Variants in CHIA observed in about 807,000 individuals in gnomAD.
The protein encoded by CHIA is chitinase acidic, also known as acidic mammalian chitinase.
CHIA carries 47 observed loss-of-function variants against 53.5 expected under a neutral mutation model. The ratio of observed to expected loss-of-function variants is 0.88; its 90% CI spans 0.70 to 1.12. The LOEUF is 1.12. Ranked by LOEUF, CHIA falls within the 50% of genes most tolerant of loss-of-function variation. The pLI is 0.00. For missense variants in CHIA, 652 were observed against 592.2 expected (o/e 1.10, Z -1.05); for synonymous variants, 268 against 222.2 (o/e 1.21, Z -1.83).
At chr1:111,311,209 AC>A (rs571216306) in intron 2 of CHIA, among the ~76,000 whole-genome samples, 3 of 152,260 alleles carry the variant, frequency 2.0e-5, no homozygotes, top group African/African-American at 7.2e-5. Context: ...CTGGAGTCTC[AC>A]CCCATAGTTC....
chr1:111,310,452 G>C lies in CHIA; in HGVS notation c.-16G>C. ...AACATATAAAAAGCTCTGCGGGACTGGTGCTGACTGCAACCATGACAAAGC... is the reference window on the plus strand; with the variant it reads ...AACATATAAAAAGCTCTGCGGGACTCGTGCTGACTGCAACCATGACAAAGC... On this transcript the variant is annotated 5_prime_UTR_variant, in exon 2 of 12. Coordinates refer to ENST00000369740, the MANE Select transcript of CHIA (RefSeq NM_201653.4). 3.1e-6 allele frequency: 5 copies of C among 1,607,624 alleles called. No homozygotes were observed. The highest frequency in any genetic ancestry group is 4.2e-6 in the Non-Finnish European group (5 of 1,177,212).
intron 1 of CHIA, among the ~76,000 whole-genome samples, chr1:111,301,132 G>A (rs1156757030): frequency 6.6e-6 from 1 of 152,178 alleles, no homozygotes. Context: ...ACTGTTGGTG[G>A]AAGTGTAAAT....
At chr1:111,311,585 T>C (rs4839122) in intron 2 of CHIA, 104 bp from the exon 3 acceptor site, 916,661 of 1,298,878 alleles carry the variant, frequency 0.71, 326,086 homozygotes, top group East Asian at 0.84. Flanking sequence ...CTCACTGAGG[T>C]TGTAACAATT....
chr1:111,312,341 C>T lies in CHIA; in HGVS notation c.207C>T (p.Ile69=), dbSNP rs767144908. 142 of 1,614,090 alleles carry T rather than the reference C, an allele frequency of 8.8e-5. No homozygotes were observed. The highest frequency in any genetic ancestry group is 6.6e-4 in the Middle Eastern group (4 of 6,062). ...AGRQNNEITT[I]EWNDVTLYQA... ...GGCAGAACAACGAGATCACCACCAT[C>T]GAATGGAATGATGTGACTCTCTACC... The change falls in exon 4 of 12, where the codon ATC becomes ATT. Residue 69 remains isoleucine, a synonymous_variant. Coordinates refer to ENST00000369740, the MANE Select transcript of CHIA (RefSeq NM_201653.4).
At chr1:111,297,566 C>G (rs1451327067) in intron 1 of CHIA, among the ~76,000 whole-genome samples, 2 of 152,090 alleles carry the variant, frequency 1.3e-5, no homozygotes, top group Admixed American at 1.3e-4. Flanking sequence ...ACAAGAGCTC[C>G]TGAAGGAAGC....
rs896699936 is a variant in CHIA, at chr1:111,310,554, C to G, written c.25+62C>G. 3 of 1,612,042 alleles carry G rather than the reference C, an allele frequency of 1.9e-6. No individual in the cohort carries two copies. In the African/African-American group the frequency reaches 4.0e-5, roughly 22 times the overall value. The stretch of plus-strand genomic sequence containing the variant: ...CTAGTTTCTTTTTCTCTCACAGGCT[C>G]TGAAAATCATGAAGTGGTCTTCATA... On this transcript the variant is annotated intron_variant, in intron 2 of 11. Coordinates refer to ENST00000369740, the MANE Select transcript of CHIA (RefSeq NM_201653.4).
rs778109245 is a variant in CHIA at position 111,315,402 on chromosome 1, T to C, written c.447T>C (p.Pro149=). The C allele has an allele frequency of 6.2e-7, 1 of 1,614,118 alleles. No individual in the cohort carries two copies. The highest frequency in any genetic ancestry group is 1.7e-5 in the Admixed American group (1 of 60,032). ...ACCCTGGCTCTCGTGGGAGCCCTCCTCAGGACAAGCATCTCTTCACTGTCC... is the reference window on the plus strand; with the variant it reads ...ACCCTGGCTCTCGTGGGAGCCCTCCCCAGGACAAGCATCTCTTCACTGTCC... ...WEYPGSRGSP[P]QDKHLFTVLV... is the part of the protein sequence containing the mutation. The change falls in exon 6 of 12, where the codon CCT becomes CCC. Residue 149 remains proline (P), a synonymous_variant. Transcript: ENST00000369740.
chr1:111,292,349 T>C (rs1008467094), intron 1 of CHIA, among the ~76,000 whole-genome samples: 1 of 152,148 alleles, frequency 6.6e-6, no homozygotes, highest in Non-Finnish European at 1.5e-5. Flanking sequence ...AGAACAAAAA[T>C]TGAAATATAA....
chr1:111,319,585 A>T, intron 11 of CHIA, 117 bp downstream of exon 11: 1 of 941,746 alleles, frequency 1.1e-6, no homozygotes, highest in Non-Finnish European at 1.6e-6. Context: ...ACTTCACCTC[A>T]CCGCTCTTGC....
chr1:111,310,494 TG>T lies in CHIA; in HGVS notation c.25+5del. On this transcript the variant is annotated splice_donor_region_variant and intron_variant, in intron 2 of 11. Coordinates refer to ENST00000369740, the MANE Select transcript of CHIA (RefSeq NM_201653.4). ...TGACAAAGCTTATTCTCCTCACAGG[TG>T]GGTTTGTAATCAGAGATTGACCCTT... The T allele has an allele frequency of 2.5e-6, 4 of 1,614,204 alleles. No homozygotes were observed. Among genetic ancestry groups the T allele is most frequent in the Non-Finnish European group, 3.4e-6 (4 of 1,180,020 alleles).
At chr1:111,301,826 T>C (rs1571273530) in intron 1 of CHIA, among the ~76,000 whole-genome samples, 1 of 152,232 alleles carries the variant, frequency 6.6e-6, no homozygotes, top group East Asian at 1.9e-4. Context: ...ATACCGCATG[T>C]TCTTACTCAT....
At chr1:111,312,124 A>C (rs1648727228) in intron 3 of CHIA, 66 bp from the exon 4 acceptor site, 1 of 1,379,458 alleles carries the variant, frequency 7.2e-7, no homozygotes, top group Non-Finnish European at 1.0e-6. Context: ...AGGCAAGGCC[A>C]AAACTCACAG....
chr1:111,318,673 T>C lies in CHIA; in HGVS notation c.910T>C (p.Tyr304His), dbSNP rs1015320313. 3 of 1,613,128 alleles carry C rather than the reference T, an allele frequency of 1.9e-6. No homozygotes were observed. The African/African-American group carries it at 4.0e-5, about 22-fold the overall frequency. The change falls in exon 9 of 12, where the codon TAC (tyrosine) becomes CAC (histidine). Residue 304 changes from tyrosine (Y) to histidine (H), a missense_variant. Coordinates refer to ENST00000369740, the MANE Select transcript of CHIA (RefSeq NM_201653.4). ...CAAGGAGTCTGGGATCTGGGCTTAC[T>C]ACGAGGTATGTAGATTGGACTGAAA... is the stretch of plus-strand genomic sequence containing the variant. ...YAKESGIWAY[Y>H]EICTFLKNGA...
chr1:111,308,690 C>T (rs1287249809), intron 1 of CHIA, among the ~76,000 whole-genome samples: 1 of 152,108 alleles, frequency 6.6e-6, no homozygotes, highest in Non-Finnish European at 1.5e-5. Context: ...GCTTTTTCCC[C>T]AGGATTTAAT....
At chr1:111,292,000 T>A (rs1391329322) in intron 1 of CHIA, among the ~76,000 whole-genome samples, 1 of 152,092 alleles carries the variant, frequency 6.6e-6, no homozygotes, top group Non-Finnish European at 1.5e-5. Context: ...TAAAATAGAA[T>A]TAAATTAAAT....
intron 11 of CHIA, 44 bp from the exon 12 acceptor site, chr1:111,320,169 C>T: frequency 6.3e-7 from 1 of 1,580,004 alleles, no homozygotes. Flanking sequence ...AGCTTAGAGC[C>T]TCTCCCAAGC....
chr1:111,313,753 C>G (rs1648900630), intron 4 of CHIA, among the ~76,000 whole-genome samples: 1 of 151,996 alleles, frequency 6.6e-6, no homozygotes. Context: ...GGTTTTCTTT[C>G]AGTAGTTTTA....
chr1:111,299,834 G>A (rs1231388141), intron 1 of CHIA, among the ~76,000 whole-genome samples: 7 of 152,176 alleles, frequency 4.6e-5, no homozygotes, highest in East Asian at 3.9e-4. Context: ...AGAAAACCCC[G>A]TCATCTCAGC....
chr1:111,311,340 A>C (rs968338692), intron 2 of CHIA, among the ~76,000 whole-genome samples: 1 of 152,226 alleles, frequency 6.6e-6, no homozygotes, highest in African/African-American at 2.4e-5. Flanking sequence ...GCTGTGTTCT[A>C]TCACTCAGGT....
Sources: gnomAD v4.1 joint callset for allele counts (sites outside exome capture counted in the v4.1 genomes callset) on GRCh38, gnomAD v4.1.1 for gene constraint, MANE v1.5 for transcripts, NCBI Gene and HGNC (gene_info 2026-07-23, HGNC 2026-07-21) for gene names.